TMEM217B: variants seen among roughly 807,000 people sequenced by gnomAD.
The protein encoded by TMEM217B is transmembrane protein 217B.
chr6:37,213,668 C>A, the TMEM217B span, among the ~76,000 whole-genome samples: 1 of 152,252 alleles, frequency 6.6e-6, no homozygotes, highest in Non-Finnish European at 1.5e-5. Flanking sequence ...TACACCTGAG[C>A]TCTAGAGGTC....
the TMEM217B span, among the ~76,000 whole-genome samples, chr6:37,235,208 C>A: frequency 6.6e-6 from 1 of 152,106 alleles, no homozygotes; most frequent in Non-Finnish European, 1.5e-5. Flanking sequence ...TATATTACTT[C>A]AAATACTACA....
chr6:37,253,359 C>A, the TMEM217B span, among the ~76,000 whole-genome samples: 1 of 152,184 alleles, frequency 6.6e-6, no homozygotes, highest in African/African-American at 2.4e-5. Flanking sequence ...ATGGTGACTT[C>A]TTTTCTTAGA....
the TMEM217B span, among the ~76,000 whole-genome samples, chr6:37,250,409 GTATGA>G: frequency 1.3e-5 from 2 of 152,172 alleles, no homozygotes; most frequent in African/African-American, 4.8e-5. Flanking sequence ...TCTCTTGTGT[GTATGA>G]TATATTTAGC....
the TMEM217B span, among the ~76,000 whole-genome samples, chr6:37,239,012 C>T: frequency 6.6e-6 from 1 of 152,142 alleles, no homozygotes; most frequent in African/African-American, 2.4e-5. Flanking sequence ...TGCCTGTAAT[C>T]CCAGCTACTA....
chr6:37,233,303 A>G, the TMEM217B span, among the ~76,000 whole-genome samples: 7 of 152,310 alleles, frequency 4.6e-5, no homozygotes, highest in South Asian at 1.4e-3. Flanking sequence ...AATCTCTTGA[A>G]TCATTATTTT....
chr6:37,237,873 A>G, the TMEM217B span, among the ~76,000 whole-genome samples: 2 of 152,168 alleles, frequency 1.3e-5, no homozygotes, highest in African/African-American at 4.8e-5. Context: ...AAACTCTAAA[A>G]CTGTATGAAA....
At chr6:37,219,784 T>C in the TMEM217B span, among the ~76,000 whole-genome samples, 2 of 152,134 alleles carry the variant, frequency 1.3e-5, no homozygotes, top group South Asian at 2.1e-4. Flanking sequence ...TGGGCTTCCA[T>C]TGCTGCCCAG....
chr6:37,214,258 T>C, the TMEM217B span, among the ~76,000 whole-genome samples: 3 of 152,110 alleles, frequency 2.0e-5, no homozygotes, highest in African/African-American at 4.8e-5. Context: ...GACAGAGTCT[T>C]GCTCTGTCAC....
At chr6:37,225,990 C>G in the TMEM217B span, among the ~76,000 whole-genome samples, 2 of 152,172 alleles carry the variant, frequency 1.3e-5, no homozygotes, top group South Asian at 4.1e-4. Flanking sequence ...CATAAATCAG[C>G]CATTGTCTTT....
the TMEM217B span, among the ~76,000 whole-genome samples, chr6:37,217,054 G>A: frequency 6.6e-6 from 1 of 152,198 alleles, no homozygotes; most frequent in Admixed American, 6.5e-5. Flanking sequence ...AGCACTTTGG[G>A]AGGCTGAGGC....
At chr6:37,218,829 C>T in the TMEM217B span, 42 of 1,613,980 alleles carry the variant, frequency 2.6e-5, no homozygotes, top group East Asian at 1.1e-4. Context: ...AGGAAGAGGA[C>T]GATTTTAAAA....
the TMEM217B span, among the ~76,000 whole-genome samples, chr6:37,250,164 AATATT>A: frequency 6.6e-6 from 1 of 152,254 alleles, no homozygotes; most frequent in Non-Finnish European, 1.5e-5. Flanking sequence ...AGATGTATAC[AATATT>A]ATGTTACTTA....
chr6:37,217,975 G>T, the TMEM217B span: 22 of 988,310 alleles, frequency 2.2e-5, no homozygotes, highest in Non-Finnish European at 2.6e-5. Flanking sequence ...AGGATGTTCC[G>T]GTTGTGATTA....
the TMEM217B span, chr6:37,217,985 AT>A: frequency 1.0e-6 from 1 of 989,496 alleles, no homozygotes; most frequent in African/African-American, 1.7e-5. Flanking sequence ...GGTTGTGATT[AT>A]AATCACATTT....
the TMEM217B span, among the ~76,000 whole-genome samples, chr6:37,215,454 T>C: frequency 6.6e-6 from 1 of 151,714 alleles, no homozygotes; most frequent in Admixed American, 6.6e-5. Context: ...ACGCGCCAAC[T>C]ACCTGGGAGG....
chr6:37,244,115 C>T, the TMEM217B span, among the ~76,000 whole-genome samples: 3 of 152,200 alleles, frequency 2.0e-5, no homozygotes, highest in Non-Finnish European at 4.4e-5. Context: ...CTCTCATAAT[C>T]CTAACCTTGT....
At chr6:37,256,847 A>G in the TMEM217B span, among the ~76,000 whole-genome samples, 1 of 152,170 alleles carries the variant, frequency 6.6e-6, no homozygotes, top group Non-Finnish European at 1.5e-5. Flanking sequence ...CCAAATCACC[A>G]CGGAATACAA....
chr6:37,230,220 A>G, the TMEM217B span, among the ~76,000 whole-genome samples: 1 of 152,188 alleles, frequency 6.6e-6, no homozygotes, highest in South Asian at 2.1e-4. Flanking sequence ...AGTTCTCTCC[A>G]TTTATGGGTT....
the TMEM217B span, chr6:37,218,703 C>T: frequency 1.6e-4 from 255 of 1,614,040 alleles, 1 homozygote; most frequent in African/African-American, 4.3e-4. Context: ...ATTTGTATTA[C>T]GACGTTTGCA....
Sources: allele counts gnomAD v4.1 joint callset (sites outside exome capture counted in the v4.1 genomes callset), GRCh38; gene constraint gnomAD v4.1.1; transcripts MANE v1.5; gene names NCBI Gene and HGNC (gene_info 2026-07-23, HGNC 2026-07-21).